CHRNA7: variants seen among roughly 807,000 people sequenced by gnomAD.
CHRNA7 encodes neuronal acetylcholine receptor subunit alpha-7.
Under a neutral mutation model 48.0 loss-of-function variants are expected in CHRNA7, and 17 were observed. The ratio of observed to expected loss-of-function variants is 0.35; its 90% CI spans 0.24 to 0.53. The LOEUF is 0.53. Among genes scored for constraint, CHRNA7 ranks in the 20% least tolerant of loss-of-function variants. The probability of loss-of-function intolerance (pLI) is 0.92; values close to 1 mark genes in which losing one functional copy is unlikely to be tolerated. For synonymous variants in CHRNA7, 75 were observed against 242.3 expected (o/e 0.31, Z 6.41); for missense variants, 155 against 577.7 (o/e 0.27, Z 7.50).
At chr15:32,052,685 C>T (rs532133133) in intron 2 of CHRNA7, among the ~76,000 whole-genome samples, 7 of 152,098 alleles carry the variant, frequency 4.6e-5, no homozygotes, top group East Asian at 1.9e-4. Flanking sequence ...GCCGAGATCG[C>T]GCCACTGCAC....
At chr15:32,030,872 C>T (rs771083755) in intron 1 of CHRNA7, 26 bp from the exon 2 acceptor site, 9 of 1,611,002 alleles carry the variant, frequency 5.6e-6, no homozygotes, top group Non-Finnish European at 7.6e-6. Flanking sequence ...GCCCTGAGCC[C>T]CCTGCCCGGG....
chr15:32,050,273 T>C (rs1184801108), intron 2 of CHRNA7, among the ~76,000 whole-genome samples: 1 of 152,216 alleles, frequency 6.6e-6, no homozygotes, highest in East Asian at 1.9e-4. Context: ...CCCGTCATTT[T>C]CAGGTACACC....
chr15:32,116,412 T>C (rs1163551490), intron 4 of CHRNA7, among the ~76,000 whole-genome samples: 1 of 152,236 alleles, frequency 6.6e-6, no homozygotes, highest in East Asian at 1.9e-4. Flanking sequence ...GTCATGCTGC[T>C]GCCAGCCAGC....
At chr15:32,096,867 G>A (rs1172410546) in intron 2 of CHRNA7, among the ~76,000 whole-genome samples, 1 of 152,210 alleles carries the variant, frequency 6.6e-6, no homozygotes, top group Non-Finnish European at 1.5e-5. Flanking sequence ...GATGGAAAAA[G>A]AATGAAGGGA....
intron 2 of CHRNA7, among the ~76,000 whole-genome samples, chr15:32,064,551 GGTA>G (rs2049934698): frequency 6.6e-6 from 1 of 151,894 alleles, no homozygotes; most frequent in Non-Finnish European, 1.5e-5. Flanking sequence ...ATGTCTGTAT[GGTA>G]GTGGTGGTGA....
intron 2 of CHRNA7, among the ~76,000 whole-genome samples, chr15:32,058,616 C>T (rs966856480): frequency 2.6e-5 from 4 of 152,118 alleles, no homozygotes; most frequent in African/African-American, 9.7e-5. Context: ...GAGTAGGATA[C>T]ATAATGTGGC....
intron 2 of CHRNA7, among the ~76,000 whole-genome samples, chr15:32,092,248 G>C (rs1280096488): frequency 6.6e-6 from 1 of 151,950 alleles, no homozygotes; most frequent in Non-Finnish European, 1.5e-5. Context: ...AATTTGTTTT[G>C]GTTCTCAGTT....
chr15:32,139,720 T>C (rs1441527490), intron 4 of CHRNA7, among the ~76,000 whole-genome samples: 1 of 152,212 alleles, frequency 6.6e-6, no homozygotes, highest in Non-Finnish European at 1.5e-5. Flanking sequence ...GTTTGTTTTC[T>C]TATTGCTGAG....
At chr15:32,144,917 G>A (rs2051456725) in intron 4 of CHRNA7, among the ~76,000 whole-genome samples, 1 of 152,120 alleles carries the variant, frequency 6.6e-6, no homozygotes, top group Non-Finnish European at 1.5e-5. Context: ...ACCTACTTCT[G>A]TCAACTCGTC....
intron 2 of CHRNA7, among the ~76,000 whole-genome samples, chr15:32,079,280 T>A (rs892632646): frequency 6.6e-6 from 1 of 152,096 alleles, no homozygotes; most frequent in Non-Finnish European, 1.5e-5. Context: ...CCATTCAACA[T>A]AGTATTGGAA....
chr15:32,146,648 T>C (rs2051494378), intron 4 of CHRNA7, among the ~76,000 whole-genome samples: 1 of 152,212 alleles, frequency 6.6e-6, no homozygotes, highest in Non-Finnish European at 1.5e-5. Context: ...CTGCAGGTGT[T>C]GAGTACCAAA....
chr15:32,067,182 A>C (rs190001826), intron 2 of CHRNA7, among the ~76,000 whole-genome samples: 6 of 152,346 alleles, frequency 3.9e-5, no homozygotes, highest in South Asian at 4.1e-4. Context: ...GTAAAGCTTA[A>C]CAAACTACAG....
intron 2 of CHRNA7, among the ~76,000 whole-genome samples, chr15:32,095,128 T>C (rs1214791984): frequency 6.6e-6 from 1 of 152,238 alleles, no homozygotes; most frequent in African/African-American, 2.4e-5. Context: ...CTGTGATATC[T>C]ATAGTTTTCA....
At chr15:32,118,831 A>G (rs1472743818) in intron 4 of CHRNA7, among the ~76,000 whole-genome samples, 1 of 152,074 alleles carries the variant, frequency 6.6e-6, no homozygotes, top group Non-Finnish European at 1.5e-5. Context: ...GAAAGGGAAT[A>G]GTGAGGGCTG....
At chr15:32,120,970 G>A (rs1279307778) in intron 4 of CHRNA7, among the ~76,000 whole-genome samples, 1 of 152,132 alleles carries the variant, frequency 6.6e-6, no homozygotes, top group South Asian at 2.1e-4. Flanking sequence ...CCGCCACCCC[G>A]CCCCTTCCCG....
At chr15:32,057,882 C>T (rs1192268523) in intron 2 of CHRNA7, among the ~76,000 whole-genome samples, 2 of 152,170 alleles carry the variant, frequency 1.3e-5, no homozygotes, top group African/African-American at 4.8e-5. Flanking sequence ...CTATAAACAA[C>T]TAGAAATCAG....
chr15:32,107,907 C>G (rs528454724), intron 3 of CHRNA7, among the ~76,000 whole-genome samples: 46 of 152,288 alleles, frequency 3.0e-4, no homozygotes, highest in South Asian at 1.2e-3. Context: ...AGGCCTCAGG[C>G]ATGGTCAGAA....
intron 2 of CHRNA7, among the ~76,000 whole-genome samples, chr15:32,067,431 C>T (rs535561456): frequency 6.6e-6 from 1 of 152,118 alleles, no homozygotes; most frequent in Non-Finnish European, 1.5e-5. Flanking sequence ...AAATATCTTT[C>T]AAAATGAAGG....
At chr15:32,074,877 G>C (rs557681055) in intron 2 of CHRNA7, among the ~76,000 whole-genome samples, 39 of 152,160 alleles carry the variant, frequency 2.6e-4, no homozygotes, top group Non-Finnish European at 5.0e-4. Context: ...TTGAACTCCT[G>C]ACCTCAGGTG....
Sources: gnomAD v4.1 joint callset for allele counts (sites outside exome capture counted in the v4.1 genomes callset) on GRCh38, gnomAD v4.1.1 for gene constraint, MANE v1.5 for transcripts, NCBI Gene and HGNC (gene_info 2026-07-23, HGNC 2026-07-21) for gene names.